WWOX: variants seen among roughly 807,000 people sequenced by gnomAD.
The protein encoded by WWOX is WW domain-containing oxidoreductase.
Under a neutral mutation model 46.2 loss-of-function variants are expected in WWOX, and 69 were observed. The ratio of observed to expected loss-of-function variants is 1.49; its 90% CI spans 1.23 to 1.82. The LOEUF (loss-of-function observed/expected upper bound fraction) is 1.82. WWOX is among the 40% of genes most tolerant of loss of function. The pLI is 0.00. For synonymous variants in WWOX, 359 were observed against 202.6 expected, an observed-to-expected ratio of 1.77 and a Z score of -6.56; for missense variants, 919 against 542.6, an observed-to-expected ratio of 1.69 and a Z score of -6.89.
In WWOX at chr16:78,254,502, G is replaced by GTTTTTTTTTTTTTTT. The variant is rs59706959; in HGVS notation, c.516+90216_516+90230dup. ...CACTTTTCTTTTTCTTTTCTTTCTT[G>GTTTTTTTTTTTTTTT]TTTTTTTTTTTTTTTTTGTTTGACA... On this transcript the variant is annotated intron_variant, in intron 5 of 8. Coordinates refer to ENST00000566780, the MANE Select transcript of WWOX (RefSeq NM_016373.4). Among the ~76,000 whole-genome samples the GTTTTTTTTTTTTTTT allele has an allele frequency of 7.9e-4, 72 of 91,650 alleles. 7 individuals are homozygous for GTTTTTTTTTTTTTTT. The highest frequency in any genetic ancestry group is 2.8e-3 in the African/African-American group (54 of 19,300). 60.1% of individuals were successfully genotyped at this position (91,650 alleles called of 152,430 possible). A position where few individuals can be genotyped will look rare whatever the true frequency, so the allele number is the denominator to read the frequency against.
At chr16:78,527,768 T>C (rs930302633) in intron 8 of WWOX, among the ~76,000 whole-genome samples, 4 of 151,804 alleles carry the variant, frequency 2.6e-5, no homozygotes, top group African/African-American at 9.7e-5. Context: ...AGGGAATGCA[T>C]GTCAATATCT....
intron 8 of WWOX, among the ~76,000 whole-genome samples, chr16:78,893,262 T>A (rs2044630045): frequency 6.6e-6 from 1 of 152,106 alleles, no homozygotes; most frequent in African/African-American, 2.4e-5. Context: ...CATTCTTCTT[T>A]TTTATCTGCC....
chr16:78,776,031 A>C, intron 8 of WWOX, among the ~76,000 whole-genome samples: 1 of 152,202 alleles, frequency 6.6e-6, no homozygotes, highest in East Asian at 1.9e-4. Context: ...TGTGTTCCAA[A>C]GATGGTCTTA....
At chr16:78,385,271 C>T (rs1227802849) in intron 5 of WWOX, among the ~76,000 whole-genome samples, 2 of 152,120 alleles carry the variant, frequency 1.3e-5, no homozygotes, top group Non-Finnish European at 2.9e-5. Context: ...CATTGCCATC[C>T]ATCTGTCCAC....
chr16:79,140,741 CAT>C (rs2050073361), intron 8 of WWOX, among the ~76,000 whole-genome samples: 1 of 152,192 alleles, frequency 6.6e-6, no homozygotes, highest in South Asian at 2.1e-4. Flanking sequence ...GTCTGTTAAA[CAT>C]AAGCTTTCAA....
chr16:78,622,104 G>A (rs1220077634), intron 8 of WWOX, among the ~76,000 whole-genome samples: 3 of 152,196 alleles, frequency 2.0e-5, no homozygotes, highest in South Asian at 2.1e-4. Flanking sequence ...TCATACCTGG[G>A]CAGCAGATAA....
chr16:78,116,025 A>G lies in WWOX; in HGVS notation c.409+871A>G, dbSNP rs184223355. ...GTTTTTATTTTTATTTTTTGTGGGT[A>G]TATAAAGGTGTCTATATTTATGGGG... On this transcript the variant is annotated intron_variant, in intron 4 of 8. Coordinates refer to ENST00000566780, the MANE Select transcript of WWOX (RefSeq NM_016373.4). 4.3e-3 allele frequency among the ~76,000 whole-genome samples: 652 copies of G among 152,056 alleles called. 1 individual carries two copies. The highest frequency in any genetic ancestry group is 6.7e-3 in the Non-Finnish European group (455 of 67,990).
intron 4 of WWOX, among the ~76,000 whole-genome samples, chr16:78,141,247 A>G (rs936358070): frequency 1.3e-5 from 2 of 152,176 alleles, no homozygotes; most frequent in African/African-American, 4.8e-5. Context: ...TGTGATGGTT[A>G]AAGTCCATTT....
At chr16:78,183,887 A>T (rs2151756127) in intron 5 of WWOX, among the ~76,000 whole-genome samples, 1 of 152,282 alleles carries the variant, frequency 6.6e-6, no homozygotes, top group South Asian at 2.1e-4. Flanking sequence ...GTGACCGTTT[A>T]CAGAAACCTC....
Position 78,945,339 on chromosome 16 carries a change from A to G in WWOX, c.1057-266269A>G, listed in dbSNP as rs554678276. On this transcript the variant is annotated intron_variant, in intron 8 of 8. Transcript: ENST00000566780. ...TTTGATTGATCTTCTTAAATGTATAATCTCAAACTTTACAATAAGAAGGCT... is the reference window on the plus strand; with the variant it reads ...TTTGATTGATCTTCTTAAATGTATAGTCTCAAACTTTACAATAAGAAGGCT... 2.6e-5 allele frequency among the ~76,000 whole-genome samples: 4 copies of G among 152,312 alleles called. No homozygotes were observed. In the East Asian group the frequency reaches 5.8e-4, roughly 22 times the overall value.
intron 8 of WWOX, among the ~76,000 whole-genome samples, chr16:79,178,848 T>G (rs1455281970): frequency 6.6e-6 from 1 of 152,250 alleles, no homozygotes; most frequent in Non-Finnish European, 1.5e-5. Flanking sequence ...TTTTTTTGTT[T>G]AATATATCTT....
At chr16:78,816,162 C>T (rs1018697231) in intron 8 of WWOX, among the ~76,000 whole-genome samples, 1 of 152,156 alleles carries the variant, frequency 6.6e-6, no homozygotes, top group African/African-American at 2.4e-5. Context: ...AACTAAATCC[C>T]TAACTGGACC....
At chr16:78,823,387 A>T (rs1207172903) in intron 8 of WWOX, among the ~76,000 whole-genome samples, 1 of 152,198 alleles carries the variant, frequency 6.6e-6, no homozygotes, top group Non-Finnish European at 1.5e-5. Context: ...CCATCATTCC[A>T]GGTTCAATAA....
chr16:78,334,900 C>G (rs1416938551), intron 5 of WWOX, among the ~76,000 whole-genome samples: 4 of 139,326 alleles, frequency 2.9e-5, no homozygotes, highest in Admixed American at 2.1e-4. Context: ...AAATTAAACT[C>G]ATTGAGGAGA....
chr16:78,903,673 A>C (rs749253624), intron 8 of WWOX, among the ~76,000 whole-genome samples: 1 of 152,176 alleles, frequency 6.6e-6, no homozygotes, highest in Admixed American at 6.5e-5. Flanking sequence ...TCTATTCCCC[A>C]GCCTCACTTT....
At chr16:78,134,373 G>A (rs751886005) in intron 4 of WWOX, among the ~76,000 whole-genome samples, 4 of 151,880 alleles carry the variant, frequency 2.6e-5, no homozygotes, top group Non-Finnish European at 2.9e-5. Context: ...TGAATACTTC[G>A]CAATGCCTGC....
intron 8 of WWOX, among the ~76,000 whole-genome samples, chr16:78,855,482 G>C (rs76721889): frequency 7.4e-4 from 113 of 152,320 alleles, no homozygotes; most frequent in African/African-American, 2.6e-3. Context: ...TCACTTTGCA[G>C]AAACTTTGGC....
chr16:78,203,688 G>A (rs2036304701), intron 5 of WWOX, among the ~76,000 whole-genome samples: 1 of 152,150 alleles, frequency 6.6e-6, no homozygotes, highest in Non-Finnish European at 1.5e-5. Flanking sequence ...ATGGATAGGT[G>A]AGAGCATAAA....
intron 5 of WWOX, among the ~76,000 whole-genome samples, chr16:78,354,187 T>C (rs1777813535): frequency 6.6e-6 from 1 of 152,126 alleles, no homozygotes; most frequent in Non-Finnish European, 1.5e-5. Context: ...CTTCTGTTTG[T>C]AAACATCTGT....
Sources: gnomAD v4.1 joint callset for allele counts (sites outside exome capture counted in the v4.1 genomes callset) on GRCh38, gnomAD v4.1.1 for gene constraint, MANE v1.5 for transcripts, NCBI Gene and HGNC (gene_info 2026-07-23, HGNC 2026-07-21) for gene names.